Variants in FBXL7 observed in about 807,000 individuals in gnomAD.
The protein encoded by FBXL7 is F-box and leucine rich repeat protein 7.
A neutral mutation model predicts 38.3 loss-of-function variants in FBXL7; 12 were observed. The ratio of observed to expected loss-of-function variants is 0.31; its 90% CI spans 0.20 to 0.51. FBXL7 has a LOEUF of 0.51. Among genes scored for constraint, FBXL7 ranks in the 20% least tolerant of loss-of-function variants. FBXL7 has a pLI of 0.98. For synonymous variants in FBXL7, 297 were observed against 300.9 expected, an observed-to-expected ratio of 0.99 and a Z score of 0.13; for missense variants, 567 against 676.4, an observed-to-expected ratio of 0.84 and a Z score of 1.79.
chr5:15,777,546 T>C (rs1203002258), intron 2 of FBXL7, among the ~76,000 whole-genome samples: 1 of 151,830 alleles, frequency 6.6e-6, no homozygotes, highest in East Asian at 1.9e-4. Context: ...CTTCCTGTTA[T>C]GAGATTGTCA....
intron 2 of FBXL7, among the ~76,000 whole-genome samples, chr5:15,914,221 C>T (rs1741521360): frequency 6.6e-6 from 1 of 151,850 alleles, no homozygotes; most frequent in African/African-American, 2.4e-5. Context: ...CCTGTCTCTA[C>T]TAAACATACA....
intron 1 of FBXL7, among the ~76,000 whole-genome samples, chr5:15,519,955 A>T (rs1275148498): frequency 6.6e-6 from 1 of 152,232 alleles, no homozygotes; most frequent in Non-Finnish European, 1.5e-5. Flanking sequence ...GGTACTCCAT[A>T]GACAGGGCAG....
chr5:15,532,173 G>A (rs1580354948), intron 1 of FBXL7, among the ~76,000 whole-genome samples: 2 of 152,304 alleles, frequency 1.3e-5, no homozygotes, highest in Middle Eastern at 6.8e-3. Flanking sequence ...CATTAACTGT[G>A]TAGTCATTTA....
chr5:15,531,082 T>C (rs529012608), intron 1 of FBXL7, among the ~76,000 whole-genome samples: 3 of 152,216 alleles, frequency 2.0e-5, no homozygotes, highest in African/African-American at 4.8e-5. Context: ...CATGAAAATA[T>C]TATCAAGAGC....
At chr5:15,518,917 C>T (rs1737019686) in intron 1 of FBXL7, among the ~76,000 whole-genome samples, 1 of 151,998 alleles carries the variant, frequency 6.6e-6, no homozygotes, top group African/African-American at 2.4e-5. Flanking sequence ...TTGTTTGGCC[C>T]GCCCACGAGA....
At chr5:15,706,580 A>G (rs375915579) in intron 2 of FBXL7, among the ~76,000 whole-genome samples, 1 of 152,218 alleles carries the variant, frequency 6.6e-6, no homozygotes, top group Admixed American at 6.5e-5. Flanking sequence ...GTTTGTTTTA[A>G]TAGTTCATCA....
chr5:15,523,451 C>T (rs1381656153), intron 1 of FBXL7, among the ~76,000 whole-genome samples: 7 of 151,714 alleles, frequency 4.6e-5, no homozygotes, highest in East Asian at 3.9e-4. Context: ...CCCAGCTACT[C>T]GGGAGGCTGA....
intron 2 of FBXL7, among the ~76,000 whole-genome samples, chr5:15,860,364 T>C (rs1432158821): frequency 6.6e-6 from 1 of 152,212 alleles, no homozygotes; most frequent in Non-Finnish European, 1.5e-5. Context: ...TTTATAAATA[T>C]TGAGAAATGC....
intron 2 of FBXL7, among the ~76,000 whole-genome samples, chr5:15,720,092 C>A (rs376874016): frequency 1.3e-5 from 2 of 149,198 alleles, no homozygotes; most frequent in East Asian, 1.9e-4. Context: ...TCTAAATTTG[C>A]AATCTTGGTT....
rs78002336 is a variant in FBXL7, at chr5:15,933,239, A to T, written c.740-3211A>T. Among the ~76,000 whole-genome samples the T allele has an allele frequency of 8.7e-3, 1,331 of 152,326 alleles. 16 individuals carry two copies. Among genetic ancestry groups the T allele is most frequent in the African/African-American group, 0.03 (1,237 of 41,572 alleles). On this transcript the variant is annotated intron_variant, in intron 3 of 3. Transcript: ENST00000504595. The stretch of plus-strand genomic sequence containing the variant: ...CTAAAATAATACAAGCCTATAAAAT[A>T]GTCTCTTTACCAAAACTGAACTAAA...
intron 1 of FBXL7, among the ~76,000 whole-genome samples, chr5:15,557,837 G>A (rs556024091): frequency 6.6e-6 from 1 of 152,206 alleles, no homozygotes; most frequent in Admixed American, 6.5e-5. Flanking sequence ...ACTGCTCTCT[G>A]ACCACCTGGT....
At chr5:15,510,192 A>G (rs1227566374) in intron 1 of FBXL7, among the ~76,000 whole-genome samples, 2 of 152,248 alleles carry the variant, frequency 1.3e-5, no homozygotes, top group Non-Finnish European at 2.9e-5. Context: ...AGCAATGTGT[A>G]GAAATGTTAT....
At chr5:15,578,745 G>A (rs1042379321) in intron 1 of FBXL7, among the ~76,000 whole-genome samples, 6 of 152,184 alleles carry the variant, frequency 3.9e-5, no homozygotes, top group East Asian at 1.9e-4. Context: ...AAACACAGGT[G>A]TACTAATTCT....
chr5:15,936,997 C>A lies in FBXL7; in HGVS notation c.1287C>A (p.Asn429Lys). The change falls in exon 4 of 4, where the codon AAC becomes AAA. Residue 429 changes from asparagine to lysine, a missense_variant. Asn to Lys is a moderately conservative substitution (Grantham distance 94). Coordinates refer to ENST00000504595, the MANE Select transcript of FBXL7 (RefSeq NM_012304.5). This position sits in a 1 kb window ranked among gnomAD's most constrained non-coding sequence, Gnocchi z 6.0. Reference sequence around the variant, plus strand: ...AGTGCCTGGCCCTGAACTGCTTCAACCTCAAGCGGCTCAGCCTCAAGTCCT... The same window carrying A: ...AGTGCCTGGCCCTGAACTGCTTCAAACTCAAGCGGCTCAGCCTCAAGTCCT... ...GLECLALNCF[N>K]LKRLSLKSCE... 1 of 1,614,036 alleles carries A rather than the reference C, an allele frequency of 6.2e-7. No homozygotes were observed. The highest frequency in any genetic ancestry group is 1.3e-5 in the African/African-American group (1 of 75,052).
chr5:15,614,682 C>T (rs961790541), intron 1 of FBXL7, among the ~76,000 whole-genome samples: 1 of 152,168 alleles, frequency 6.6e-6, no homozygotes, highest in Non-Finnish European at 1.5e-5. Context: ...CATGCATTAG[C>T]TGGATCTTTT....
At chr5:15,829,557 A>G (rs1561142646) in intron 2 of FBXL7, among the ~76,000 whole-genome samples, 1 of 152,032 alleles carries the variant, frequency 6.6e-6, no homozygotes, top group African/African-American at 2.4e-5. Context: ...CCATTCCTAC[A>G]TTTTTTCTAA....
At chr5:15,681,215 A>G (rs888559143) in intron 2 of FBXL7, among the ~76,000 whole-genome samples, 4 of 152,214 alleles carry the variant, frequency 2.6e-5, no homozygotes, top group African/African-American at 9.6e-5. Flanking sequence ...CCTCAATGTG[A>G]GGAATTCATC....
At chr5:15,848,707 G>A (rs1442191505) in intron 2 of FBXL7, among the ~76,000 whole-genome samples, 5 of 152,138 alleles carry the variant, frequency 3.3e-5, no homozygotes, top group Non-Finnish European at 7.4e-5. Flanking sequence ...ATTTAACTAA[G>A]AGAGAACTTT....
At chr5:15,627,010 T>C (rs1740844316) in intron 2 of FBXL7, among the ~76,000 whole-genome samples, 1 of 152,162 alleles carries the variant, frequency 6.6e-6, no homozygotes, top group Admixed American at 6.6e-5. Context: ...AGATGGGTTT[T>C]CTTCTCTTTA....
Sources: allele counts gnomAD v4.1 joint callset (sites outside exome capture counted in the v4.1 genomes callset), GRCh38; gene constraint gnomAD v4.1.1; non-coding constraint Gnocchi (gnomAD v3.1); transcripts MANE v1.5; gene names NCBI Gene and HGNC (gene_info 2026-07-23, HGNC 2026-07-21).